The following TAS2R1 variants were observed in gnomAD, a reference collection of about 807,000 sequenced individuals.
TAS2R1 encodes taste receptor type 2 member 1.
For synonymous variants in TAS2R1, 141 were observed against 134.2 expected (o/e 1.05, Z -0.35); for missense variants, 370 against 353.4 (o/e 1.05, Z -0.38).
chr5:9,728,644 G>A, the TAS2R1 span, among the ~76,000 whole-genome samples: 1 of 152,216 alleles, frequency 6.6e-6, no homozygotes, highest in South Asian at 2.1e-4. Flanking sequence ...AGAGCTGCTG[G>A]GAAGTAGGGG....
At chr5:9,839,765 C>A in the TAS2R1 span, among the ~76,000 whole-genome samples, 1 of 151,796 alleles carries the variant, frequency 6.6e-6, no homozygotes, top group Admixed American at 6.6e-5. Flanking sequence ...AGTAAACACA[C>A]GTCTTTTTTT....
chr5:9,706,938 T>A lies in TAS2R1; in HGVS notation c.-242+5234A>T, dbSNP rs142030259. On this transcript the variant is annotated intron_variant, in intron 1 of 2. Coordinates refer to the TAS2R1 transcript ENST00000506620. ...GAAGTATTAAATGATGCGGTTTTTT[T>A]AAAAAATATTTTTCTTCCCTTTATT... 6.1e-3 allele frequency among the ~76,000 whole-genome samples: 928 copies of A among 152,286 alleles called. 5 individuals are homozygous for A. The highest frequency in any genetic ancestry group is 0.011 in the African/African-American group (445 of 41,558).
At chr5:9,685,861 TC>T (rs1741113961) in intron 1 of TAS2R1, among the ~76,000 whole-genome samples, 1 of 152,068 alleles carries the variant, frequency 6.6e-6, no homozygotes, top group Admixed American at 6.6e-5. Flanking sequence ...TTGTATCTTT[TC>T]GTTTGTTTGT....
At chr5:9,894,942 T>G in the TAS2R1 span, among the ~76,000 whole-genome samples, 1 of 152,208 alleles carries the variant, frequency 6.6e-6, no homozygotes, top group African/African-American at 2.4e-5. Flanking sequence ...TCTCTAAAAT[T>G]TAAAACATGA....
At chr5:9,698,145 T>A (rs993327840) in intron 1 of TAS2R1, among the ~76,000 whole-genome samples, 1 of 152,190 alleles carries the variant, frequency 6.6e-6, no homozygotes, top group Non-Finnish European at 1.5e-5. Flanking sequence ...CATTTTATTA[T>A]GAAAAATAAG....
chr5:9,893,664 C>T, the TAS2R1 span, among the ~76,000 whole-genome samples: 1 of 152,170 alleles, frequency 6.6e-6, no homozygotes. Flanking sequence ...ACTTCAGTTC[C>T]CTATCCCCCC....
the TAS2R1 span, among the ~76,000 whole-genome samples, chr5:9,820,553 T>C: frequency 6.6e-6 from 1 of 152,186 alleles, no homozygotes; most frequent in African/African-American, 2.4e-5. Flanking sequence ...CATGTAGTGG[T>C]GTCTAGCCTC....
chr5:9,869,353 AG>A, the TAS2R1 span, among the ~76,000 whole-genome samples: 1 of 152,312 alleles, frequency 6.6e-6, no homozygotes, highest in East Asian at 1.9e-4. Flanking sequence ...GGAAGAGCAA[AG>A]GCATGGTGGC....
the TAS2R1 span, among the ~76,000 whole-genome samples, chr5:9,873,879 A>T: frequency 6.7e-6 from 1 of 150,366 alleles, no homozygotes; most frequent in African/African-American, 2.4e-5. Flanking sequence ...GGGGAAAAAA[A>T]AAAAAAGGAG....
chr5:9,681,530 G>GAAAAAAAAAAAAAAAAAAAAA (rs79288629), intron 1 of TAS2R1, among the ~76,000 whole-genome samples: 1 of 23,566 alleles, frequency 4.2e-5, no homozygotes, highest in Non-Finnish European at 1.0e-4. Flanking sequence ...TCATGTTTCT[G>GAAAAAAAAAAAAAAAAAAAAA]CAAAAAAAAA....
At chr5:9,757,166 C>A in the TAS2R1 span, among the ~76,000 whole-genome samples, 1 of 152,100 alleles carries the variant, frequency 6.6e-6, no homozygotes, top group Admixed American at 6.6e-5. Flanking sequence ...TACTTTATGC[C>A]TTCTTTTCAG....
chr5:9,688,781 T>A (rs1016698551), intron 1 of TAS2R1, among the ~76,000 whole-genome samples: 7 of 152,066 alleles, frequency 4.6e-5, no homozygotes, highest in African/African-American at 1.7e-4. Flanking sequence ...TCGCACCCTC[T>A]CTAAAGCTTC....
the TAS2R1 span, among the ~76,000 whole-genome samples, chr5:9,892,950 G>A: frequency 6.6e-6 from 1 of 152,068 alleles, no homozygotes; most frequent in African/African-American, 2.4e-5. Flanking sequence ...GGGCAGATCT[G>A]ACCACTGATC....
intron 1 of TAS2R1, among the ~76,000 whole-genome samples, chr5:9,677,032 A>G (rs1740891254): frequency 6.6e-6 from 1 of 152,226 alleles, no homozygotes; most frequent in African/African-American, 2.4e-5. Flanking sequence ...TAGACTGGAT[A>G]AAGAAAATGT....
the TAS2R1 span, among the ~76,000 whole-genome samples, chr5:9,735,704 G>C: frequency 6.6e-6 from 1 of 152,174 alleles, no homozygotes; most frequent in African/African-American, 2.4e-5. Flanking sequence ...ATTCATAATA[G>C]TAAATTATAT....
intron 1 of TAS2R1, among the ~76,000 whole-genome samples, chr5:9,680,419 G>C (rs1163234193): frequency 6.6e-6 from 1 of 151,930 alleles, no homozygotes; most frequent in Non-Finnish European, 1.5e-5. Flanking sequence ...CTGCAGTGTC[G>C]AAAGGAAGAA....
intron 2 of TAS2R1, among the ~76,000 whole-genome samples, chr5:9,638,122 A>G (rs888976761): frequency 4.6e-5 from 7 of 152,164 alleles, no homozygotes; most frequent in African/African-American, 1.2e-4. Flanking sequence ...TGATCCCTCA[A>G]TGTGGTGCTC....
chr5:9,853,529 T>C, the TAS2R1 span, among the ~76,000 whole-genome samples: 1 of 152,162 alleles, frequency 6.6e-6, no homozygotes, highest in Non-Finnish European at 1.5e-5. Flanking sequence ...TGGTAAACTG[T>C]CATGGTGCTG....
At chr5:9,700,131 ACACAATG>A (rs1346208315) in intron 1 of TAS2R1, among the ~76,000 whole-genome samples, 4 of 152,214 alleles carry the variant, frequency 2.6e-5, no homozygotes, top group Non-Finnish European at 5.9e-5. Flanking sequence ...AGAATCCTGA[ACACAATG>A]AGGCATTTCC....
Sources: allele counts gnomAD v4.1 joint callset (sites outside exome capture counted in the v4.1 genomes callset), GRCh38; gene constraint gnomAD v4.1.1; transcripts MANE v1.5; gene names NCBI Gene and HGNC (gene_info 2026-07-23, HGNC 2026-07-21).